Variants in CHST9 observed in about 807,000 individuals in gnomAD.
CHST9 encodes carbohydrate sulfotransferase 9, also known as GalNAc-4-sulfotransferase 2.
A neutral mutation model predicts 44.4 loss-of-function variants in CHST9; 41 were observed. The ratio of observed to expected loss-of-function variants is 0.92; its 90% confidence interval spans 0.72 to 1.20. The LOEUF (loss-of-function observed/expected upper bound fraction) is 1.20. Ranked by LOEUF, CHST9 falls within the 50% of genes most tolerant of loss-of-function variation. The pLI is 0.00. For synonymous variants in CHST9, 171 were observed against 178.4 expected (o/e 0.96, Z 0.33); for missense variants, 504 against 516.5 (o/e 0.98, Z 0.23).
intron 5 of CHST9, among the ~76,000 whole-genome samples, chr18:26,929,649 C>T (rs1321391503): frequency 3.9e-5 from 6 of 152,160 alleles, no homozygotes; most frequent in Admixed American, 3.9e-4. Context: ...GAGCAAAAGA[C>T]ACTGTCCAAG....
chr18:27,112,781 A>G (rs2058283914), intron 2 of CHST9, among the ~76,000 whole-genome samples: 1 of 152,172 alleles, frequency 6.6e-6, no homozygotes, highest in African/African-American at 2.4e-5. Flanking sequence ...TGCTTAGAGT[A>G]CATCACATAT....
At chr18:27,006,284 A>G (rs1056813783) in intron 4 of CHST9, among the ~76,000 whole-genome samples, 9 of 152,158 alleles carry the variant, frequency 5.9e-5, no homozygotes, top group African/African-American at 2.2e-4. Context: ...CCAATGATGA[A>G]TCTATTTTCA....
chr18:27,073,192 C>T (rs1284411213), intron 2 of CHST9, among the ~76,000 whole-genome samples: 8 of 152,116 alleles, frequency 5.3e-5, no homozygotes, highest in Non-Finnish European at 1.0e-4. Context: ...ACCACTATGA[C>T]GTGCAAGGCC....
chr18:27,167,267 T>G (rs2058798092), intron 1 of CHST9, among the ~76,000 whole-genome samples: 1 of 152,152 alleles, frequency 6.6e-6, no homozygotes, highest in Non-Finnish European at 1.5e-5. Flanking sequence ...AGATCCTTAT[T>G]TAAAGTGGAA....
intron 3 of CHST9, among the ~76,000 whole-genome samples, chr18:27,039,746 G>A (rs1033397467): frequency 1.3e-5 from 2 of 152,042 alleles, no homozygotes; most frequent in African/African-American, 4.8e-5. Flanking sequence ...GCTGCAGAAA[G>A]ATATAGTCCA....
chr18:27,162,271 G>T (rs551878970), intron 1 of CHST9, among the ~76,000 whole-genome samples: 2 of 152,188 alleles, frequency 1.3e-5, no homozygotes, highest in East Asian at 3.9e-4. Flanking sequence ...CATGTTTAGT[G>T]CTTCCTTCAG....
chr18:27,103,985 A>G (rs1012880172), intron 2 of CHST9, among the ~76,000 whole-genome samples: 1 of 152,200 alleles, frequency 6.6e-6, no homozygotes, highest in African/African-American at 2.4e-5. Flanking sequence ...AATTCAACTT[A>G]TTTTAATAAA....
intron 2 of CHST9, among the ~76,000 whole-genome samples, chr18:27,138,962 G>A (rs2058540627): frequency 6.6e-6 from 1 of 152,058 alleles, no homozygotes; most frequent in Non-Finnish European, 1.5e-5. Flanking sequence ...ATAAATTAAT[G>A]GATAGTGATA....
chr18:27,038,266 C>T (rs1046830284), intron 3 of CHST9, among the ~76,000 whole-genome samples: 2 of 152,148 alleles, frequency 1.3e-5, no homozygotes, highest in African/African-American at 2.4e-5. Context: ...AACTTTCTGT[C>T]CAGGTGCAGT....
At chr18:27,122,542 T>C (rs2058383382) in intron 2 of CHST9, among the ~76,000 whole-genome samples, 1 of 152,196 alleles carries the variant, frequency 6.6e-6, no homozygotes, top group African/African-American at 2.4e-5. Flanking sequence ...ACTTAGGTAA[T>C]AGTTCCACAT....
At chr18:27,084,472 A>G (rs199930805) in intron 2 of CHST9, among the ~76,000 whole-genome samples, 1 of 100,280 alleles carries the variant, frequency 1.0e-5, no homozygotes, top group African/African-American at 3.7e-5. Context: ...TTTTTTTTTT[A>G]TTTCTGTGGG....
intron 5 of CHST9, among the ~76,000 whole-genome samples, chr18:26,941,533 G>C: frequency 6.6e-6 from 1 of 150,602 alleles, no homozygotes; most frequent in East Asian, 1.9e-4. Flanking sequence ...CTTTCATCTA[G>C]TATCATAAAA....
In CHST9 at chr18:27,137,819, C is replaced by T. The variant is rs549171166; in HGVS notation, c.121+4870G>A. ...TACACCATGACTTTTGGTATGAGTT[C>T]CATATAGCAGTAAGATTCTAACTAG... is the stretch of plus-strand genomic sequence containing the variant. On this transcript the variant is annotated intron_variant, in intron 2 of 5. Transcript: ENST00000618847. 3.3e-5 allele frequency among the ~76,000 whole-genome samples: 5 copies of T among 152,228 alleles called. No homozygotes were observed. The South Asian group carries it at 1.0e-3, about 32-fold the overall frequency.
intron 1 of CHST9, among the ~76,000 whole-genome samples, chr18:27,184,514 C>T (rs965007043): frequency 1.3e-5 from 2 of 152,068 alleles, no homozygotes; most frequent in African/African-American, 4.8e-5. Context: ...CTCAGATCGC[C>T]CCTCCCAACC....
chr18:27,064,989 T>C (rs1280107925), intron 2 of CHST9, among the ~76,000 whole-genome samples: 1 of 152,222 alleles, frequency 6.6e-6, no homozygotes, highest in East Asian at 1.9e-4. Flanking sequence ...ATAAGGTCTG[T>C]AATGTATAAA....
intron 4 of CHST9, among the ~76,000 whole-genome samples, chr18:26,978,743 C>T (rs931180365): frequency 6.6e-5 from 10 of 152,200 alleles, no homozygotes; most frequent in Non-Finnish European, 1.3e-4. Context: ...GTCCTTCCTA[C>T]CTCACAGGGC....
At position 27,048,480 on chromosome 18, in the gene CHST9, G is replaced by C. The variant is rs758300128; in HGVS notation, c.145C>G (p.Gln49Glu). The C allele has an allele frequency of 1.2e-6, 2 of 1,607,694 alleles. No homozygotes were observed. The highest frequency in any genetic ancestry group is 1.3e-5 in the African/African-American group (1 of 74,768). ...AAAATCTTACCTGAAGTTACTTTTT[G>C]TTCTCTTCTCTTCTCCACTCTCCCT... ...HTGRVEKRRE[Q>E]KVTSGWGPVK... Residue 49 changes from glutamine (Q) to glutamate (E), a missense_variant, in exon 3 of 6, where the codon CAA (glutamine) becomes GAA (glutamate). Transcript: ENST00000618847.
intron 4 of CHST9, among the ~76,000 whole-genome samples, chr18:27,001,470 C>G (rs1054347363): frequency 3.3e-5 from 5 of 152,104 alleles, no homozygotes; most frequent in African/African-American, 1.2e-4. Flanking sequence ...CCTAGAAGTG[C>G]TTTTACTTTT....
intron 2 of CHST9, among the ~76,000 whole-genome samples, chr18:27,068,188 C>G (rs1222225059): frequency 1.3e-5 from 2 of 152,080 alleles, no homozygotes; most frequent in Non-Finnish European, 2.9e-5. Flanking sequence ...ATGATTGCTC[C>G]TCTGTCCTTC....
Sources: gnomAD v4.1 joint callset for allele counts (sites outside exome capture counted in the v4.1 genomes callset) on GRCh38, gnomAD v4.1.1 for gene constraint, MANE v1.5 for transcripts, NCBI Gene and HGNC (gene_info 2026-07-23, HGNC 2026-07-21) for gene names.